SLC38A6: variants seen among roughly 807,000 people sequenced by gnomAD.
SLC38A6 encodes the protein solute carrier family 38 member 6.
A neutral mutation model predicts 65.0 loss-of-function variants in SLC38A6; 73 were observed. That is an observed-to-expected ratio of 1.12 (90% CI 0.93 to 1.37). SLC38A6 has a LOEUF of 1.37. SLC38A6 is among the 40% of genes most tolerant of loss of function. SLC38A6 has a pLI of 0.00. For missense variants in SLC38A6, 561 were observed against 531.1 expected (o/e 1.06, Z -0.55); for synonymous variants, 183 against 178.8 (o/e 1.02, Z -0.19).
At chr14:60,997,926 A>G (rs949306473) in intron 3 of SLC38A6, among the ~76,000 whole-genome samples, 2 of 152,186 alleles carry the variant, frequency 1.3e-5, no homozygotes, top group African/African-American at 4.8e-5. Context: ...GACAAGGCTT[A>G]GAACTGAAGC....
chr14:61,005,190 G>C (rs150841151), intron 3 of SLC38A6, among the ~76,000 whole-genome samples: 2 of 152,088 alleles, frequency 1.3e-5, no homozygotes, highest in Admixed American at 1.3e-4. Flanking sequence ...CTCCAAATTA[G>C]AAGAGCTATC....
chr14:61,055,904 C>T (rs1213920775), downstream of SLC38A6, among the ~76,000 whole-genome samples: 5 of 11,804 alleles, frequency 4.2e-4, no homozygotes, highest in African/African-American at 1.0e-3. Flanking sequence ...TTTTTGGCTG[C>T]ATAAATGTCT....
At chr14:61,007,061 A>G (rs1182783843) in intron 3 of SLC38A6, among the ~76,000 whole-genome samples, 1 of 152,152 alleles carries the variant, frequency 6.6e-6, no homozygotes, top group African/African-American at 2.4e-5. Flanking sequence ...TTCTCAGCAA[A>G]CTATCCCAAG....
intron 3 of SLC38A6, among the ~76,000 whole-genome samples, chr14:60,999,763 A>G (rs1321652325): frequency 1.3e-5 from 2 of 152,248 alleles, no homozygotes; most frequent in Non-Finnish European, 2.9e-5. Flanking sequence ...TTGGAATGAC[A>G]TGACCACAAA....
intron 5 of SLC38A6, among the ~76,000 whole-genome samples, chr14:61,028,682 A>ACTTCT (rs2040749949): frequency 6.6e-6 from 1 of 152,324 alleles, no homozygotes; most frequent in East Asian, 1.9e-4. Flanking sequence ...ACTGAGACAT[A>ACTTCT]GCTGTACTTC....
rs943272030 is a variant in SLC38A6 at position 61,002,857 on chromosome 14, C to G, written c.311-13047C>G. ...TACTTGAGGTCAGTCATGCCAAGTA[C>G]TGTTTGTATCAATTCTTGTAAAAGA... On this transcript the variant is annotated intron_variant, in intron 3 of 15. Transcript: ENST00000267488. Among the ~76,000 whole-genome samples the G allele has an allele frequency of 3.9e-5, 6 of 152,124 alleles. No homozygotes were observed. The South Asian group carries it at 6.2e-4, about 16-fold the overall frequency.
chr14:61,010,577 A>G (rs889043809), intron 3 of SLC38A6, among the ~76,000 whole-genome samples: 6 of 152,328 alleles, frequency 3.9e-5, no homozygotes, highest in Non-Finnish European at 8.8e-5. Context: ...TAAGGAAGGG[A>G]TCCAAGTTCA....
chr14:61,029,155 C>CT (rs111427405), intron 5 of SLC38A6, among the ~76,000 whole-genome samples: 3,321 of 130,304 alleles, frequency 0.025, 58 homozygotes, highest in South Asian at 0.072. Flanking sequence ...ACTCTTTATT[C>CT]TTTTTTTTTT....
intron 3 of SLC38A6, among the ~76,000 whole-genome samples, chr14:61,007,691 A>G (rs1286056881): frequency 4.2e-5 from 1 of 23,896 alleles, no homozygotes; most frequent in Non-Finnish European, 1.3e-4. Flanking sequence ...CGGATGCTGA[A>G]AATGAACACC....
At chr14:61,013,780 G>A (rs1261538008) in intron 3 of SLC38A6, among the ~76,000 whole-genome samples, 1 of 152,148 alleles carries the variant, frequency 6.6e-6, no homozygotes, top group Non-Finnish European at 1.5e-5. Flanking sequence ...GCTTCCCATT[G>A]TGGGTAACCC....
At chr14:61,011,766 C>T (rs1595065924) in intron 3 of SLC38A6, among the ~76,000 whole-genome samples, 1 of 152,156 alleles carries the variant, frequency 6.6e-6, no homozygotes, top group South Asian at 2.1e-4. Flanking sequence ...TTTTGATGTG[C>T]TGCTGGATTC....
intron 12 of SLC38A6, among the ~76,000 whole-genome samples, chr14:61,047,914 G>A (rs1237770291): frequency 6.6e-6 from 1 of 151,990 alleles, no homozygotes; most frequent in East Asian, 1.9e-4. Context: ...TTAATAGGTA[G>A]GTGGGTAGGC....
At chr14:61,072,654 T>C (rs1399899738) in intron 15 of SLC38A6, among the ~76,000 whole-genome samples, 1 of 152,214 alleles carries the variant, frequency 6.6e-6, no homozygotes. Flanking sequence ...GTCTGGTTTA[T>C]TTCACTTAAC....
In SLC38A6 at chr14:61,030,513, G is replaced by T; in HGVS notation, c.472G>T (p.Asp158Tyr). The T allele has an allele frequency of 6.2e-7, 1 of 1,605,652 alleles. No individual in the cohort carries two copies. The highest frequency in any genetic ancestry group is 1.3e-5 in the African/African-American group (1 of 74,640). Residue 158 changes from aspartate (D) to tyrosine (Y), a missense_variant, in exon 6 of 16, where the codon GAC becomes TAC. By Grantham distance (160) the Asp-to-Tyr change is radical (BLOSUM62 -3). Transcript: ENST00000267488. ...PAAIAEFLTGDYSRYWYLDGQ... is the reference protein window; with the variant it reads ...PAAIAEFLTGYYSRYWYLDGQ... ...TGCTATTGCAGAATTTTTGACTGGA[G>T]ACTATAGTAGGTAAGAAAAAGTATT...
intron 11 of SLC38A6, 123 bp downstream of exon 11, chr14:61,045,548 T>C: frequency 1.4e-6 from 1 of 696,490 alleles, no homozygotes; most frequent in Non-Finnish European, 2.4e-6. Context: ...TAAGTGTTAG[T>C]TTAAAACAAA....
At chr14:61,064,303 T>C (rs2042954445) in intron 15 of SLC38A6, among the ~76,000 whole-genome samples, 1 of 152,110 alleles carries the variant, frequency 6.6e-6, no homozygotes, top group Non-Finnish European at 1.5e-5. Context: ...CAAATACAGA[T>C]AGGTGTGCAG....
chr14:61,057,800 T>C (rs2042755402), intron 15 of SLC38A6, among the ~76,000 whole-genome samples: 1 of 116,466 alleles, frequency 8.6e-6, no homozygotes, highest in Admixed American at 8.9e-5. Flanking sequence ...ATTTCAGAGC[T>C]TGTTATTGGT....
At chr14:61,077,185 T>C (rs1187278271) in intron 15 of SLC38A6, among the ~76,000 whole-genome samples, 1 of 152,216 alleles carries the variant, frequency 6.6e-6, no homozygotes, top group Non-Finnish European at 1.5e-5. Flanking sequence ...TACATAGTTA[T>C]TTATCTCATC....
intron 6 of SLC38A6, among the ~76,000 whole-genome samples, chr14:61,032,295 G>T (rs1187589321): frequency 6.6e-6 from 1 of 151,622 alleles, no homozygotes; most frequent in Non-Finnish European, 1.5e-5. Flanking sequence ...AAAGAGGAGG[G>T]ATTAGAAATA....
Sources: allele counts gnomAD v4.1 joint callset (sites outside exome capture counted in the v4.1 genomes callset), GRCh38; gene constraint gnomAD v4.1.1; transcripts MANE v1.5; gene names NCBI Gene and HGNC (gene_info 2026-07-23, HGNC 2026-07-21).